The following AHCY variants were observed in gnomAD, a reference collection of about 807,000 sequenced individuals.
AHCY encodes the protein S-adenosyl-L-homocysteine hydrolase.
AHCY carries 24 observed loss-of-function variants against 45.4 expected under a neutral mutation model. The observed-to-expected ratio is 0.53, with a 90% CI of 0.38 to 0.74. The LOEUF (loss-of-function observed/expected upper bound fraction) is 0.74, where lower values mean the gene tolerates loss of function less well. Ranked by LOEUF, AHCY falls within the 30% of genes least tolerant of loss-of-function variation. The pLI is 0.00. For missense variants in AHCY, 449 were observed against 594.1 expected (o/e 0.76, Z 2.54); for synonymous variants, 245 against 235.1 (o/e 1.04, Z -0.39).
the AHCY span, among the ~76,000 whole-genome samples, chr20:34,239,287 G>T: frequency 6.6e-6 from 1 of 151,654 alleles, no homozygotes; most frequent in African/African-American, 2.4e-5. Context: ...CACAATCTTG[G>T]CTCACCGCAA....
chr20:34,301,136 A>G (rs1157046317), intron 1 of AHCY, among the ~76,000 whole-genome samples: 1 of 152,166 alleles, frequency 6.6e-6, no homozygotes, highest in Non-Finnish European at 1.5e-5. Flanking sequence ...GGACCCAGAG[A>G]GGAGTTTGCT....
Position 34,303,225 on chromosome 20 carries a change from G to T in AHCY, c.28+18C>A, listed in dbSNP as rs890983686. ...GGGTGCCGGGCGGCCGCAACCGGCT[G>T]CAGGTCCTGGGACTCACCGACTTTG... On this transcript the variant is annotated intron_variant, in intron 1 of 9. Coordinates refer to ENST00000217426, the MANE Select transcript of AHCY (RefSeq NM_000687.4). 2.4e-5 allele frequency: 37 copies of T among 1,551,316 alleles called. No homozygotes were observed. Among genetic ancestry groups the T allele is most frequent in the Non-Finnish European group, 3.1e-5 (36 of 1,146,850 alleles).
At chr20:34,270,967 T>TTTTG in the AHCY span, among the ~76,000 whole-genome samples, 109 of 151,778 alleles carry the variant, frequency 7.2e-4, no homozygotes, top group Admixed American at 1.6e-3. Context: ...CAGTTCTTGC[T>TTTTG]TTTGTTTGTT....
At chr20:34,258,688 T>TATATATATATATATATATAC in the AHCY span, among the ~76,000 whole-genome samples, 1 of 66,572 alleles carries the variant, frequency 1.5e-5, no homozygotes, top group Non-Finnish European at 2.3e-5. Context: ...TATATATATA[T>TATATATATATATATATATAC]ATACATACTA....
chr20:34,257,070 C>CTTTTTTTTTTTTTTTTTTTTTTTTTTT, the AHCY span, among the ~76,000 whole-genome samples: 3 of 139,426 alleles, frequency 2.2e-5, no homozygotes, highest in Admixed American at 7.2e-5. Flanking sequence ...CTTTCTTTCT[C>CTTTTTTTTTTTTTTTTTTTTTTTTTTT]TTTTTTTTTT....
chr20:34,265,198 G>C, the AHCY span, among the ~76,000 whole-genome samples: 1 of 152,112 alleles, frequency 6.6e-6, no homozygotes. Context: ...CCAACAGTAG[G>C]CTATTAGTAG....
At chr20:34,304,907 C>T (rs865978765), upstream of AHCY, among the ~76,000 whole-genome samples, 5 of 151,662 alleles carry the variant, frequency 3.3e-5, no homozygotes, top group African/African-American at 7.3e-5. Flanking sequence ...AGGCTAATCT[C>T]GAACTCCCGA....
At chr20:34,232,449 A>G in the AHCY span, among the ~76,000 whole-genome samples, 1 of 152,168 alleles carries the variant, frequency 6.6e-6, no homozygotes, top group Admixed American at 6.5e-5. Flanking sequence ...GTTGGAACCA[A>G]ATCCGTCCAA....
At chr20:34,268,940 C>G in the AHCY span, 1 of 1,555,824 alleles carries the variant, frequency 6.4e-7, no homozygotes, top group Non-Finnish European at 8.7e-7. Flanking sequence ...GAGGTGAGGA[C>G]CGGAGGGGTG....
At chr20:34,241,885 T>A in the AHCY span, among the ~76,000 whole-genome samples, 1 of 152,232 alleles carries the variant, frequency 6.6e-6, no homozygotes, top group East Asian at 1.9e-4. Context: ...AATTTAGGAT[T>A]TAGGGATCAG....
At chr20:34,267,507 T>G in the AHCY span, among the ~76,000 whole-genome samples, 1 of 148,500 alleles carries the variant, frequency 6.7e-6, no homozygotes, top group South Asian at 2.2e-4. Flanking sequence ...AGCTACATAA[T>G]TTTAAATTTG....
the AHCY span, among the ~76,000 whole-genome samples, chr20:34,261,693 T>C: frequency 6.6e-6 from 1 of 151,922 alleles, no homozygotes; most frequent in Non-Finnish European, 1.5e-5. Flanking sequence ...TTCCAGCTAT[T>C]TGGGAGGCTG....
chr20:34,247,985 C>T, the AHCY span, among the ~76,000 whole-genome samples: 4 of 152,278 alleles, frequency 2.6e-5, no homozygotes, highest in East Asian at 3.9e-4. Flanking sequence ...GAGGGCAGAT[C>T]GCCTGAGATC....
At chr20:34,259,234 A>G in the AHCY span, among the ~76,000 whole-genome samples, 1 of 151,204 alleles carries the variant, frequency 6.6e-6, no homozygotes, top group Non-Finnish European at 1.5e-5. Context: ...ACAGAAAAAA[A>G]CTATATGAGC....
At chr20:34,252,555 A>G in the AHCY span, among the ~76,000 whole-genome samples, 4 of 152,154 alleles carry the variant, frequency 2.6e-5, no homozygotes, top group Non-Finnish European at 5.9e-5. Flanking sequence ...CTCCTATCTT[A>G]GAATAAAATG....
chr20:34,302,708 C>G (rs1431503255), intron 1 of AHCY: 1 of 987,970 alleles, frequency 1.0e-6, no homozygotes, highest in Non-Finnish European at 1.2e-6. Context: ...GGTGGGGGAC[C>G]CCACAGGTTG....
the AHCY span, among the ~76,000 whole-genome samples, chr20:34,258,813 TATA>T: frequency 3.4e-3 from 408 of 120,842 alleles, 2 homozygotes; most frequent in Non-Finnish European, 5.4e-3. Flanking sequence ...ATATGATATA[TATA>T]ATACTATATA....
chr20:34,288,322 T>A (rs903507508), intron 8 of AHCY, among the ~76,000 whole-genome samples: 11 of 152,158 alleles, frequency 7.2e-5, no homozygotes, highest in African/African-American at 2.7e-4. Context: ...ATCTTCCTTA[T>A]CATATCTCAA....
the AHCY span, among the ~76,000 whole-genome samples, chr20:34,265,893 T>C: frequency 1.3e-5 from 2 of 151,146 alleles, no homozygotes; most frequent in Admixed American, 6.6e-5. Context: ...GAGGTTGCAG[T>C]GAGCCAAGAT....
Sources: allele counts gnomAD v4.1 joint callset (sites outside exome capture counted in the v4.1 genomes callset), GRCh38; gene constraint gnomAD v4.1.1; transcripts MANE v1.5; gene names NCBI Gene and HGNC (gene_info 2026-07-23, HGNC 2026-07-21).